MCC: variants seen among roughly 807,000 people sequenced by gnomAD.
The protein encoded by MCC is MCC regulator of Wnt signaling pathway, also known as colorectal mutant cancer protein.
MCC carries 90 observed loss-of-function variants against 116.2 expected under a neutral mutation model. The ratio of observed to expected loss-of-function variants is 0.77; its 90% CI spans 0.65 to 0.92. MCC has a LOEUF of 0.92. MCC is among the 40% of genes least tolerant of loss of function. MCC has a pLI of 0.00. For missense variants in MCC, 1,516 were observed against 1,312.2 expected (o/e 1.16, Z -2.40); for synonymous variants, 578 against 510.5 (o/e 1.13, Z -1.78).
chr5:113,114,804 C>T (rs892442285), intron 6 of MCC, among the ~76,000 whole-genome samples: 2 of 152,178 alleles, frequency 1.3e-5, no homozygotes, highest in Non-Finnish European at 2.9e-5. Context: ...CCTTCTAGCT[C>T]CCCTTCCTGC....
chr5:113,084,058 C>A, intron 10 of MCC, 43 bp downstream of exon 10: 1 of 1,475,698 alleles, frequency 6.8e-7, no homozygotes, highest in Non-Finnish European at 9.5e-7. Flanking sequence ...GTCTGTGTAG[C>A]TCTGCCGGGT....
intron 1 of MCC, among the ~76,000 whole-genome samples, chr5:113,464,009 A>G (rs1771829386): frequency 6.6e-6 from 1 of 152,286 alleles, no homozygotes; most frequent in Admixed American, 6.5e-5. Flanking sequence ...ATGCGTCCAG[A>G]GGCAGGCAAT....
At chr5:113,278,610 A>T (rs1214565089) in intron 3 of MCC, among the ~76,000 whole-genome samples, 4 of 152,312 alleles carry the variant, frequency 2.6e-5, no homozygotes, top group Non-Finnish European at 5.9e-5. Context: ...TGGATAGTAT[A>T]CCAGTGGAGG....
At chr5:113,266,807 C>CA (rs1382161818) in intron 3 of MCC, among the ~76,000 whole-genome samples, 1 of 145,984 alleles carries the variant, frequency 6.9e-6, no homozygotes, top group African/African-American at 2.5e-5. Flanking sequence ...AAAAACAAAA[C>CA]AAAACAAAAA....
intron 3 of MCC, among the ~76,000 whole-genome samples, chr5:113,269,489 C>T (rs1164742302): frequency 1.3e-5 from 2 of 152,138 alleles, no homozygotes; most frequent in Non-Finnish European, 2.9e-5. Flanking sequence ...TTGTGGTAGC[C>T]TTCTAAATCT....
At chr5:113,362,556 A>T (rs1768576073) in intron 2 of MCC, among the ~76,000 whole-genome samples, 1 of 151,994 alleles carries the variant, frequency 6.6e-6, no homozygotes. Flanking sequence ...TTGTTCTAGT[A>T]GTTAACAAGA....
rs139997193 is a variant in MCC, at chr5:113,063,599, G to A, written c.2213+385C>T. ...TGAGCTGGGCTGGGCCTTGGGACCA[G>A]AGGGACCATTTGGAGCAAACGGCTC... On this transcript the variant is annotated intron_variant, in intron 14 of 18. Transcript: ENST00000408903. 3.3e-3 allele frequency among the ~76,000 whole-genome samples: 505 copies of A among 152,344 alleles called. 3 individuals carry two copies. Among genetic ancestry groups the A allele is most frequent in the African/African-American group, 0.012 (488 of 41,576 alleles).
chr5:113,160,313 C>G (rs186995664), intron 3 of MCC, among the ~76,000 whole-genome samples: 1 of 152,210 alleles, frequency 6.6e-6, no homozygotes, highest in African/African-American at 2.4e-5. Context: ...GACCCACAAT[C>G]CCATCCCATC....
chr5:113,099,043 G>T (rs879616017), intron 8 of MCC, among the ~76,000 whole-genome samples: 1 of 152,000 alleles, frequency 6.6e-6, no homozygotes, highest in Admixed American at 6.5e-5. Flanking sequence ...GTGGGTGGGT[G>T]AGTGACGGCT....
chr5:113,024,590 A>G lies in MCC; in HGVS notation c.*2712T>C, dbSNP rs947024200. 1 of 152,248 alleles carries G rather than the reference A, an allele frequency of 6.6e-6. No homozygotes were observed. Among genetic ancestry groups the G allele is most frequent in the Non-Finnish European group, 1.5e-5 (1 of 68,038 alleles). 9.4% of individuals were successfully genotyped at this position (152,248 alleles called of 1,614,324 possible). ...ACCACTGAGGAAACTAGGGAGAACA[A>G]TTCAAAATACGAAATCTGAAGGTTT... On this transcript the variant is annotated 3_prime_UTR_variant, in exon 19 of 19. Coordinates refer to ENST00000408903, the MANE Select transcript of MCC (RefSeq NM_001085377.2).
chr5:113,094,060 C>T (rs978389501), intron 8 of MCC, among the ~76,000 whole-genome samples: 2 of 152,074 alleles, frequency 1.3e-5, no homozygotes, highest in Admixed American at 6.6e-5. Flanking sequence ...GCTGCTATCT[C>T]GAAGTCCAGG....
At chr5:113,449,855 T>C (rs1771336220) in intron 1 of MCC, among the ~76,000 whole-genome samples, 2 of 152,200 alleles carry the variant, frequency 1.3e-5, no homozygotes, top group Admixed American at 6.5e-5. Context: ...TTTTTAAAGA[T>C]GTGTATTGCC....
At chr5:113,227,997 T>C (rs1295543032) in intron 3 of MCC, among the ~76,000 whole-genome samples, 1 of 152,200 alleles carries the variant, frequency 6.6e-6, no homozygotes, top group Non-Finnish European at 1.5e-5. Flanking sequence ...TAGCAACAGA[T>C]GATGCTACTG....
chr5:113,438,816 G>A (rs1186785594), intron 1 of MCC, among the ~76,000 whole-genome samples: 1 of 152,126 alleles, frequency 6.6e-6, no homozygotes, highest in African/African-American at 2.4e-5. Context: ...GAAACCACTA[G>A]AATATAGATA....
chr5:113,175,059 T>C (rs905938794), intron 3 of MCC, among the ~76,000 whole-genome samples: 2 of 152,110 alleles, frequency 1.3e-5, no homozygotes, highest in Non-Finnish European at 1.5e-5. Flanking sequence ...AGACAGAAAT[T>C]TAAGAGGAGA....
chr5:113,058,514 T>TC (rs957145867), intron 14 of MCC, among the ~76,000 whole-genome samples: 2 of 152,108 alleles, frequency 1.3e-5, no homozygotes, highest in African/African-American at 2.4e-5. Flanking sequence ...AGCACTGGTC[T>TC]CCCCCTCAGG....
chr5:113,438,902 C>T (rs1770947175), intron 1 of MCC, among the ~76,000 whole-genome samples: 1 of 151,968 alleles, frequency 6.6e-6, no homozygotes, highest in Non-Finnish European at 1.5e-5. Flanking sequence ...ATTGCCTAAG[C>T]TTATGGGAGA....
chr5:113,065,526 A>G (rs983207173), intron 13 of MCC, among the ~76,000 whole-genome samples: 3 of 152,164 alleles, frequency 2.0e-5, no homozygotes, highest in African/African-American at 4.8e-5. Context: ...AAAAAAGGTA[A>G]ATGCGGAATT....
chr5:113,373,166 G>A (rs1284449666), intron 2 of MCC, among the ~76,000 whole-genome samples: 7 of 149,538 alleles, frequency 4.7e-5, no homozygotes, highest in African/African-American at 9.9e-5. Flanking sequence ...GGGACAGAGC[G>A]AGACTCCCTC....
Sources: allele counts gnomAD v4.1 joint callset (sites outside exome capture counted in the v4.1 genomes callset), GRCh38; gene constraint gnomAD v4.1.1; transcripts MANE v1.5; gene names NCBI Gene and HGNC (gene_info 2026-07-23, HGNC 2026-07-21).